Variants in RNF213 observed in about 807,000 individuals in gnomAD.
RNF213 encodes ring finger protein 213.
RNF213 carries 341 observed loss-of-function variants against 514.4 expected under a neutral mutation model. The ratio of observed to expected loss-of-function variants is 0.66; its 90% CI spans 0.61 to 0.73. The LOEUF (loss-of-function observed/expected upper bound fraction) is 0.73, where lower values mean the gene tolerates loss of function less well. Among genes scored for constraint, RNF213 ranks in the 30% least tolerant of loss-of-function variants. RNF213 has a pLI of 0.00. For missense variants in RNF213, 5,767 were observed against 6,615.6 expected (o/e 0.87, Z 4.45); for synonymous variants, 2,655 against 2,658.2 (o/e 1.00, Z 0.04).
chr17:80,347,877 A>G lies in RNF213; in HGVS notation c.9542A>G (p.Glu3181Gly). Reference protein sequence around the residue: ...KHYLDINTVLEKWQKSIVEEL... With the variant: ...KHYLDINTVLGKWQKSIVEEL... ...TATCTGGATATCAACACGGTGCTGG[A>G]GAAATGGCAGAAGAGCATCGTGGAG... The change falls in exon 29 of 68, where the codon GAG becomes GGG. Residue 3181 changes from glutamate to glycine, a missense_variant. This residue lies in a region of RNF213 where 919 missense variants were observed against 1,121.0 expected (regional missense o/e 0.82). Transcript: ENST00000582970. This position sits in a 1 kb window ranked among gnomAD's most constrained non-coding sequence, Gnocchi z 7.2. The G allele has an allele frequency of 6.2e-7, 1 of 1,614,254 alleles. No individual in the cohort carries two copies. Among genetic ancestry groups the G allele is most frequent in the East Asian group, 2.2e-5 (1 of 44,888 alleles).
rs2045992571 is a variant in RNF213 at position 80,317,660 on chromosome 17, C to G, written c.2901+383C>G. On this transcript the variant is annotated intron_variant, in intron 16 of 67. Transcript: ENST00000582970. This position sits in a 1 kb window ranked among gnomAD's most constrained non-coding sequence, Gnocchi z 4.1. Reference sequence around the variant, plus strand: ...TGCTTTGGGAGCTGGCAGGAGCAAGCTCCGTGCAGGCCCTGCAGCAGTGCC... The same window carrying G: ...TGCTTTGGGAGCTGGCAGGAGCAAGGTCCGTGCAGGCCCTGCAGCAGTGCC... Among the ~76,000 whole-genome samples, 2 of 152,172 alleles carry G rather than the reference C, an allele frequency of 1.3e-5. No individual in the cohort carries two copies. The highest frequency in any genetic ancestry group is 4.8e-5 in the African/African-American group (2 of 41,448).
chr17:80,368,345 C>T (rs1360313312), intron 44 of RNF213, among the ~76,000 whole-genome samples: 1 of 152,002 alleles, frequency 6.6e-6, no homozygotes, highest in Non-Finnish European at 1.5e-5. Flanking sequence ...CATACACATA[C>T]AGATTTCAGA....
chr17:80,308,272 C>G (rs565605601), intron 13 of RNF213, among the ~76,000 whole-genome samples: 7 of 152,198 alleles, frequency 4.6e-5, no homozygotes, highest in Non-Finnish European at 5.9e-5. Flanking sequence ...GGATCCCCCC[C>G]ACAAGCTCCC....
chr17:80,363,894 C>T (rs1166083850), intron 41 of RNF213, 104 bp downstream of exon 41: 18 of 1,135,564 alleles, frequency 1.6e-5, no homozygotes, highest in Non-Finnish European at 1.8e-5. Context: ...GTGCTCCTGC[C>T]ATGGGAGGGG....
chr17:80,269,797 T>TCTACCTACCTAC (rs1426857530), intron 2 of RNF213, among the ~76,000 whole-genome samples: 1 of 152,244 alleles, frequency 6.6e-6, no homozygotes, highest in Non-Finnish European at 1.5e-5. Flanking sequence ...TATCTACCTG[T>TCTACCTACCTAC]CTACCTACCT....
At chr17:80,261,284 C>T (rs1461549019) in intron 1 of RNF213, among the ~76,000 whole-genome samples, 2 of 152,200 alleles carry the variant, frequency 1.3e-5, no homozygotes, top group Non-Finnish European at 2.9e-5. Flanking sequence ...CAGGTCCGCC[C>T]GGGAATCCTG....
rs2043534198 is a variant in RNF213, at chr17:80,264,319, G to GT, written c.97+542dup. 6.6e-6 allele frequency among the ~76,000 whole-genome samples: 1 copy of GT among 152,076 alleles called. No individual in the cohort carries two copies. Among genetic ancestry groups the GT allele is most frequent in the Non-Finnish European group, 1.5e-5 (1 of 68,002 alleles). The stretch of plus-strand genomic sequence containing the variant: ...TGCCTGGGTTAGTTTTTGAGGGGCC[G>GT]TGAGGGGGCCCCAGGACCTGTCCAG... On this transcript the variant is annotated intron_variant, in intron 2 of 67. Transcript: ENST00000582970. The surrounding 1 kb of genome is among the most constrained non-coding windows in gnomAD (Gnocchi z 5.0).
intron 39 of RNF213, 130 bp downstream of exon 39, chr17:80,362,018 C>T (rs2079074466): frequency 4.7e-6 from 5 of 1,071,882 alleles, no homozygotes; most frequent in African/African-American, 3.1e-5. Flanking sequence ...ACATGGTCAG[C>T]GAAGGGTGCC....
At chr17:80,391,135 A>C (rs2080455755) in intron 67 of RNF213, among the ~76,000 whole-genome samples, 1 of 152,174 alleles carries the variant, frequency 6.6e-6, no homozygotes, top group Admixed American at 6.5e-5. Context: ...TCAACATTGG[A>C]TATTATCCAT....
chr17:80,367,358 GAAAATTTTAAAAAATTTA>G (rs980132889), intron 42 of RNF213, among the ~76,000 whole-genome samples: 5 of 152,054 alleles, frequency 3.3e-5, no homozygotes, highest in Admixed American at 2.6e-4. Context: ...GAGGCTGAAA[GAAAATTTTAAAAAATTTA>G]AAAATTTTAA....
At chr17:80,309,824 C>T (rs1342052105) in intron 14 of RNF213, among the ~76,000 whole-genome samples, 6 of 152,028 alleles carry the variant, frequency 3.9e-5, no homozygotes, top group Admixed American at 1.3e-4. Context: ...GGCGTGATCT[C>T]GGCTTACTGC....
chr17:80,263,785 C>A lies in RNF213; in HGVS notation c.97+7C>A. 6.2e-7 allele frequency: 1 copy of A among 1,613,022 alleles called. No individual in the cohort carries two copies. Among genetic ancestry groups the A allele is most frequent in the Non-Finnish European group, 8.5e-7 (1 of 1,179,074 alleles). On this transcript the variant is annotated splice_region_variant and intron_variant, in intron 2 of 67. Transcript: ENST00000582970. This position sits in a 1 kb window ranked among gnomAD's most constrained non-coding sequence, Gnocchi z 4.9. ...CCTGCAGCCCCCATAGCAGGTGAGG[C>A]CCAGGGGTGCTGGTGGAGGCTGGGG...
intron 13 of RNF213, among the ~76,000 whole-genome samples, chr17:80,307,892 A>G (rs561542370): frequency 6.7e-6 from 1 of 149,762 alleles, no homozygotes; most frequent in East Asian, 2.0e-4. Flanking sequence ...GAAATAATAG[A>G]TATCAGCTGC....
chr17:80,291,960 C>A, intron 8 of RNF213, 133 bp downstream of exon 8: 1 of 907,450 alleles, frequency 1.1e-6, no homozygotes, highest in Non-Finnish European at 1.7e-6. Context: ...GCATTGACCC[C>A]GCCCCAGCCT....
intron 57 of RNF213, chr17:80,382,735 C>CTTTTTTTTTTTTTTTTTTTTG (rs1465759055): frequency 2.4e-6 from 1 of 416,206 alleles, no homozygotes; most frequent in African/African-American, 2.0e-5. Flanking sequence ...TAATTTTTTT[C>CTTTTTTTTTTTTTTTTTTTTG]AAAATGGGTC....
rs2045389948 is a variant in RNF213, at chr17:80,307,133, T to C, written c.2433T>C (p.Val811=). The change falls in exon 13 of 68, where the codon GTT becomes GTC. Residue 811 remains valine (V), a synonymous_variant. Coordinates refer to ENST00000582970, the MANE Select transcript of RNF213 (RefSeq NM_001256071.3). ...TCTTTTTTTCTCTGCCTTAGGATGT[T>C]CAGGATGTTCAGAACGTTCAGAACA... ...GLEQVLNTQD[V]QDVQNVQNIL... is the part of the protein sequence containing the mutation. 2 of 1,612,336 alleles carry C rather than the reference T, an allele frequency of 1.2e-6. No individual in the cohort carries two copies. Among genetic ancestry groups the C allele is most frequent in the Admixed American group, 1.7e-5 (1 of 59,970 alleles).
intron 2 of RNF213, among the ~76,000 whole-genome samples, chr17:80,265,364 TTAA>T (rs367758826): frequency 3.8e-4 from 58 of 152,300 alleles, no homozygotes; most frequent in African/African-American, 1.3e-3. Context: ...TCCACTTCTA[TTAA>T]TAATAGTGCG....
rs887877036 is a variant in RNF213 at position 80,319,231 on chromosome 17, C to G, written c.2943C>G (p.Cys981Trp). ...AGATCACTGCCTACTGCAATAGTTG[C>G]TGGGACACCAAAGGCTTAGAGGACA... ...LSQITAYCNS[C>W]WDTKGLEDSV... The change falls in exon 17 of 68, where the codon TGC (cysteine) becomes TGG (tryptophan). Residue 981 changes from cysteine (C) to tryptophan (W), a missense_variant. Cys to Trp is a radical substitution (Grantham distance 215). Around this residue, in one of 13 missense-constraint regions of RNF213, gnomAD observed 516 missense variants for 566.5 expected, o/e 0.91. Transcript: ENST00000582970. The G allele has an allele frequency of 6.2e-7, 1 of 1,614,198 alleles. No individual in the cohort carries two copies. The highest frequency in any genetic ancestry group is 8.5e-7 in the Non-Finnish European group (1 of 1,180,040).
chr17:80,378,318 G>A (rs1158816508), intron 54 of RNF213, among the ~76,000 whole-genome samples: 1 of 152,200 alleles, frequency 6.6e-6, no homozygotes, highest in African/African-American at 2.4e-5. Context: ...CGTGTAGGCT[G>A]TGCGCCATGG....
Sources: gnomAD v4.1 joint callset for allele counts (sites outside exome capture counted in the v4.1 genomes callset) on GRCh38, gnomAD v4.1.1 for gene constraint, gnomAD v4.1.1 regional missense constraint, Gnocchi (gnomAD v3.1) non-coding constraint, MANE v1.5 for transcripts, NCBI Gene and HGNC (gene_info 2026-07-23, HGNC 2026-07-21) for gene names.